Variants in TRPM2 observed in about 807,000 individuals in gnomAD.
The protein encoded by TRPM2 is estrogen-responsive element-associated gene 1 protein.
A neutral mutation model predicts 174.0 loss-of-function variants in TRPM2; 161 were observed. The ratio of observed to expected loss-of-function variants is 0.93; its 90% CI spans 0.81 to 1.05. The LOEUF is 1.05. TRPM2 is among the 50% of genes least tolerant of loss of function. The pLI is 0.00. For synonymous variants in TRPM2, 954 were observed against 861.3 expected, an observed-to-expected ratio of 1.11 and a Z score of -1.88; for missense variants, 2,057 against 2,038.0, an observed-to-expected ratio of 1.01 and a Z score of -0.18.
chr21:44,439,082 G>A lies in TRPM2; in HGVS notation c.4183G>A (p.Gly1395Arg), dbSNP rs780201202. The A allele has an allele frequency of 6.2e-7, 1 of 1,613,072 alleles. No homozygotes were observed. The highest frequency in any genetic ancestry group is 1.1e-5 in the South Asian group (1 of 91,046). ...GTCTGTCCAGGGCTCCCGGGAGCCA[G>A]GGGAGATGCTACCTCGGAAGCTGAA... ...WALPGGSREP[G>R]EMLPRKLKRI... Residue 1395 changes from glycine (G) to arginine (R), a missense_variant, in exon 30 of 32, where the codon GGG (glycine) becomes AGG (arginine). By Grantham distance (125) the Gly-to-Arg change is moderately radical. Coordinates refer to ENST00000397928, the MANE Select transcript of TRPM2 (RefSeq NM_003307.4). The surrounding 1 kb of genome is among the most constrained non-coding windows in gnomAD (Gnocchi z 5.1).
intron 19 of TRPM2, among the ~76,000 whole-genome samples, chr21:44,408,103 G>A (rs560629160): frequency 4.0e-5 from 6 of 151,766 alleles, no homozygotes; most frequent in South Asian, 4.2e-4. Context: ...CTGCTACCAC[G>A]CTTGGCTAAT....
At chr21:44,427,661 C>T (rs1351831135) in intron 27 of TRPM2, among the ~76,000 whole-genome samples, 1 of 152,082 alleles carries the variant, frequency 6.6e-6, no homozygotes, top group Non-Finnish European at 1.5e-5. Flanking sequence ...GAGGGGCCAC[C>T]AGAACCTGGG....
chr21:44,413,923 A>G lies in TRPM2; in HGVS notation c.2995A>G (p.Asn999Asp), dbSNP rs769457905. ...CTTCAACCCGGAGCACTGCAGCCCC[A>G]ATGGCACCGACCCCTACAAGCCTAA... ...VNFNPEHCSP[N>D]GTDPYKPKCP... is the part of the protein sequence containing the mutation. The change falls in exon 20 of 32, where the codon AAT (asparagine) becomes GAT (aspartate). Residue 999 changes from asparagine (N) to aspartate (D), a missense_variant. By Grantham distance (23) the Asn-to-Asp change is conservative (BLOSUM62 1). Transcript: ENST00000397928. 3 of 1,613,558 alleles carry G rather than the reference A, an allele frequency of 1.9e-6. No homozygotes were observed. The highest frequency in any genetic ancestry group is 2.7e-5 in the African/African-American group (2 of 74,828).
At chr21:44,412,220 G>C (rs2050131274) in intron 19 of TRPM2, among the ~76,000 whole-genome samples, 1 of 152,172 alleles carries the variant, frequency 6.6e-6, no homozygotes, top group Admixed American at 6.5e-5. Context: ...ACTCCTCTGA[G>C]TGTGGACTTT....
intron 12 of TRPM2, 50 bp downstream of exon 12, chr21:44,395,601 G>A (rs201107877): frequency 1.9e-6 from 3 of 1,607,384 alleles, no homozygotes; most frequent in Non-Finnish European, 2.5e-6. Flanking sequence ...TAGGCCAGCG[G>A]CCAGCTGGGG....
intron 5 of TRPM2, among the ~76,000 whole-genome samples, chr21:44,372,863 C>T (rs537022326): frequency 1.3e-5 from 2 of 152,142 alleles, no homozygotes; most frequent in Admixed American, 6.5e-5. Context: ...GCCTTCAGGA[C>T]GATCCTTTTC....
At chr21:44,361,433 T>G (rs1308542508) in intron 2 of TRPM2, among the ~76,000 whole-genome samples, 1 of 152,220 alleles carries the variant, frequency 6.6e-6, no homozygotes, top group African/African-American at 2.4e-5. Context: ...ATTATTTAAC[T>G]GCTGAATATT....
chr21:44,417,885 A>G lies in TRPM2; in HGVS notation c.3147-42A>G, dbSNP rs764988220. ...GCGGTGAGAGGGGTCTGTTCTGGGT[A>G]AACACCCTGACCTCGAGGTGTTGCT... On this transcript the variant is annotated intron_variant, in intron 20 of 31. Transcript: ENST00000397928. The G allele has an allele frequency of 3.8e-6, 6 of 1,586,684 alleles. No individual in the cohort carries two copies. In the African/African-American group the frequency reaches 6.7e-5, roughly 18 times the overall value.
At chr21:44,386,688 C>G (rs959096098) in intron 9 of TRPM2, among the ~76,000 whole-genome samples, 2 of 150,348 alleles carry the variant, frequency 1.3e-5, no homozygotes, top group African/African-American at 4.9e-5. Context: ...TCTACAGATC[C>G]AATGCAATTC....
chr21:44,378,479 A>G (rs918009828), intron 7 of TRPM2, among the ~76,000 whole-genome samples: 5 of 152,150 alleles, frequency 3.3e-5, no homozygotes, highest in African/African-American at 4.8e-5. Flanking sequence ...CTCACTCCCT[A>G]TGCGTGCCGA....
intron 19 of TRPM2, among the ~76,000 whole-genome samples, chr21:44,408,225 G>A (rs902040818): frequency 6.6e-6 from 1 of 152,126 alleles, no homozygotes; most frequent in Non-Finnish European, 1.5e-5. Flanking sequence ...GGGATGACAG[G>A]TGTGAGCTAC....
chr21:44,436,523 T>G (rs2051274092), intron 28 of TRPM2, among the ~76,000 whole-genome samples: 1 of 38,962 alleles, frequency 2.6e-5, no homozygotes, highest in East Asian at 6.1e-4. Flanking sequence ...CGGGCTGCAC[T>G]CTGCACCCCA....
Position 44,354,321 on chromosome 21 carries a change from A to G in TRPM2, c.166-327A>G, listed in dbSNP as rs2146106495. Among the ~76,000 whole-genome samples, 1 of 152,252 alleles carries G rather than the reference A, an allele frequency of 6.6e-6. No homozygotes were observed. The highest frequency in any genetic ancestry group is 6.5e-5 in the Admixed American group (1 of 15,302). ...GCTGCCCTTTTTCCGATGGTGCAAG[A>G]TCCAGGTCCCCAGATCCCCAGCCTC... On this transcript the variant is annotated intron_variant, in intron 1 of 31. Transcript: ENST00000397928. The surrounding 1 kb of genome is among the most constrained non-coding windows in gnomAD (Gnocchi z 4.3).
chr21:44,418,467 G>A lies in TRPM2; in HGVS notation c.3373G>A (p.Glu1125Lys), dbSNP rs952461932. 3 of 1,613,996 alleles carry A rather than the reference G, an allele frequency of 1.9e-6. No individual in the cohort carries two copies. Among genetic ancestry groups the A allele is most frequent in the African/African-American group, 2.7e-5 (2 of 74,932 alleles). ...CGAGGAGGCGGCCCTGCTATCCTGG[G>A]AGATCTACCTGAAGGAGAACTACCT... Reference protein sequence around the residue: ...KNEEAALLSWEIYLKENYLQN... With the variant: ...KNEEAALLSWKIYLKENYLQN... Residue 1125 changes from glutamate (E) to lysine (K), a missense_variant, in exon 22 of 32, where the codon GAG becomes AAG. Physicochemically the swap from Glu to Lys is moderately conservative, Grantham distance 56. Transcript: ENST00000397928.
intron 27 of TRPM2, among the ~76,000 whole-genome samples, chr21:44,433,592 G>C (rs11909790): frequency 0.026 from 3,947 of 152,300 alleles, 178 homozygotes; most frequent in African/African-American, 0.09. Context: ...CAGGAACCCT[G>C]ACTGAGCCCC....
intron 2 of TRPM2, among the ~76,000 whole-genome samples, chr21:44,361,408 C>T (rs945919348): frequency 2.0e-5 from 3 of 152,192 alleles, no homozygotes; most frequent in Non-Finnish European, 2.9e-5. Context: ...CTACCACACT[C>T]GGCGTTGTGT....
rs767842341 is a variant in TRPM2, at chr21:44,354,077, C to T, written c.165+212C>T. 3.4e-4 allele frequency among the ~76,000 whole-genome samples: 52 copies of T among 152,154 alleles called. No individual in the cohort carries two copies. Among genetic ancestry groups the T allele is most frequent in the Non-Finnish European group, 6.0e-4 (41 of 68,028 alleles). On this transcript the variant is annotated intron_variant, in intron 1 of 31. Transcript: ENST00000397928. The surrounding 1 kb of genome is among the most constrained non-coding windows in gnomAD (Gnocchi z 4.3). ...TGCATGACCATTTCCCATGGTTGGT[C>T]TGATTGGGAAATCACCGGGTTAACT...
intron 5 of TRPM2, among the ~76,000 whole-genome samples, 179 bp from the exon 6 acceptor site, chr21:44,375,654 A>C (rs1250824209): frequency 1.3e-5 from 2 of 152,132 alleles, no homozygotes; most frequent in Non-Finnish European, 2.9e-5. Flanking sequence ...GCCCACTCGG[A>C]TCATCCAAGT....
chr21:44,391,859 C>CTT lies in TRPM2; in HGVS notation c.1794+235_1794+236dup, dbSNP rs1448978140. Among the ~76,000 whole-genome samples the CTT allele has an allele frequency of 1.3e-4, 20 of 152,352 alleles. 1 individual carries two copies. In the East Asian group the frequency reaches 3.7e-3, roughly 28 times the overall value. On this transcript the variant is annotated intron_variant, in intron 11 of 31. Transcript: ENST00000397928. The surrounding 1 kb of genome is among the most constrained non-coding windows in gnomAD (Gnocchi z 5.0). ...CAGATTAAGGCACCAGCAGGGCTGG[C>CTT]TTCTGGCCAGGGCCTCTTCTTGCTT...
Sources: allele counts gnomAD v4.1 joint callset (sites outside exome capture counted in the v4.1 genomes callset), GRCh38; gene constraint gnomAD v4.1.1; non-coding constraint Gnocchi (gnomAD v3.1); transcripts MANE v1.5; gene names NCBI Gene and HGNC (gene_info 2026-07-23, HGNC 2026-07-21).